ATP6V1B1: variants seen among roughly 807,000 people sequenced by gnomAD.
ATP6V1B1 encodes the protein V-type proton ATPase subunit B, kidney isoform.
Under a neutral mutation model 62.1 loss-of-function variants are expected in ATP6V1B1, and 41 were observed. The ratio of observed to expected loss-of-function variants is 0.66; its 90% CI spans 0.51 to 0.86. The LOEUF (loss-of-function observed/expected upper bound fraction) is 0.86, where lower values mean the gene tolerates loss of function less well. ATP6V1B1 is among the 40% of genes least tolerant of loss of function. The probability of loss-of-function intolerance (pLI) is 0.00; values close to 1 mark genes in which losing one functional copy is unlikely to be tolerated. For missense variants in ATP6V1B1, 651 were observed against 697.5 expected, an observed-to-expected ratio of 0.93 and a Z score of 0.75; for synonymous variants, 253 against 273.4, an observed-to-expected ratio of 0.93 and a Z score of 0.74.
At position 70,961,577 on chromosome 2, in the gene ATP6V1B1, C is replaced by A. The variant is rs1553420106; in HGVS notation, c.688-19C>A. ...AGGCCACAGGGCCCTACCTCCAGCC[C>A]ACCCTGCTGTGTATCCAGGTGAACA... is the stretch of plus-strand genomic sequence containing the variant. On this transcript the variant is annotated intron_variant, in intron 7 of 13. Coordinates refer to ENST00000234396, the MANE Select transcript of ATP6V1B1 (RefSeq NM_001692.4). The A allele has an allele frequency of 6.2e-7, 1 of 1,613,634 alleles. No homozygotes were observed. Among genetic ancestry groups the A allele is most frequent in the Non-Finnish European group, 8.5e-7 (1 of 1,179,492 alleles).
intron 1 of ATP6V1B1, among the ~76,000 whole-genome samples, chr2:70,936,831 G>A (rs1180182704): frequency 2.6e-5 from 4 of 152,174 alleles, no homozygotes; most frequent in African/African-American, 9.7e-5. Context: ...TGCGTATCCA[G>A]GTGTGGGGCA....
intron 8 of ATP6V1B1, among the ~76,000 whole-genome samples, 155 bp from the exon 9 acceptor site, chr2:70,962,622 C>G (rs1406177750): frequency 6.6e-6 from 1 of 152,170 alleles, no homozygotes; most frequent in Admixed American, 6.5e-5. Flanking sequence ...AACCATGGCC[C>G]TGGCCTAGGG....
chr2:70,943,278 C>T (rs1008902115), intron 1 of ATP6V1B1: 2 of 427,830 alleles, frequency 4.7e-6, no homozygotes, highest in Admixed American at 3.5e-5. Context: ...ACTTTTCGGC[C>T]ACAGCCGGGG....
chr2:70,946,699 A>G (rs1553417403), intron 2 of ATP6V1B1, among the ~76,000 whole-genome samples: 1 of 152,248 alleles, frequency 6.6e-6, no homozygotes, highest in African/African-American at 2.4e-5. Context: ...AGAAATGCTA[A>G]TAAGCCTGAT....
At chr2:70,949,298 G>T (rs1362256376) in intron 2 of ATP6V1B1, among the ~76,000 whole-genome samples, 1 of 152,176 alleles carries the variant, frequency 6.6e-6, no homozygotes, top group African/African-American at 2.4e-5. Context: ...GCAGGCGATA[G>T]TATGGATGTA....
intron 2 of ATP6V1B1, among the ~76,000 whole-genome samples, chr2:70,954,287 A>G (rs1246105936): frequency 6.6e-6 from 1 of 152,204 alleles, no homozygotes; most frequent in Non-Finnish European, 1.5e-5. Context: ...ACAGCTTTTC[A>G]CTATTATGGG....
At position 70,936,045 on chromosome 2, in the gene ATP6V1B1, C is replaced by A. The variant is rs121964879; in HGVS notation, c.91C>A (p.Arg31=). The change falls in exon 1 of 14, where the codon CGA becomes AGA. Residue 31 remains arginine (R), a synonymous_variant. Coordinates refer to ENST00000234396, the MANE Select transcript of ATP6V1B1 (RefSeq NM_001692.4). ...AAREHMQAVT[R]NYITHPRVTY... The stretch of plus-strand genomic sequence containing the variant: ...CCGAGAACACATGCAGGCGGTCACC[C>A]GAAACTACATCACCCACCCCCGTGT... 3 of 1,614,028 alleles carry A rather than the reference C, an allele frequency of 1.9e-6. No homozygotes were observed. Among genetic ancestry groups the A allele is most frequent in the Non-Finnish European group, 2.5e-6 (3 of 1,179,960 alleles).
intron 6 of ATP6V1B1, among the ~76,000 whole-genome samples, chr2:70,960,638 A>G (rs1266324015): frequency 6.6e-6 from 1 of 152,042 alleles, no homozygotes; most frequent in African/African-American, 2.4e-5. Context: ...CAGGCTGTGG[A>G]GGGGTATGGA....
chr2:70,941,605 T>G, intron 1 of ATP6V1B1: 1 of 809,794 alleles, frequency 1.2e-6, no homozygotes, highest in East Asian at 1.2e-4. Context: ...ATTTGCTCTG[T>G]ATCCTTCTTT....
chr2:70,940,496 C>G, intron 1 of ATP6V1B1: 2 of 985,454 alleles, frequency 2.0e-6, no homozygotes, highest in Non-Finnish European at 2.4e-6. Context: ...CATCCCTTTG[C>G]TTGCACAATC....
At position 70,961,648 on chromosome 2, in the gene ATP6V1B1, C is replaced by A; in HGVS notation, c.740C>A (p.Thr247Asn). 1 of 1,614,206 alleles carries A rather than the reference C, an allele frequency of 6.2e-7. No homozygotes were observed. Among genetic ancestry groups the A allele is most frequent in the Non-Finnish European group, 8.5e-7 (1 of 1,180,020 alleles). The change falls in exon 8 of 14, where the codon ACC (threonine) becomes AAC (asparagine). Residue 247 changes from threonine to asparagine, a missense_variant. By Grantham distance (65) the Thr-to-Asn change is moderately conservative (BLOSUM62 0). Coordinates refer to ENST00000234396, the MANE Select transcript of ATP6V1B1 (RefSeq NM_001692.4). ...FFKSDFEQNGTMGNVCLFLNL... is the reference protein window; with the variant it reads ...FFKSDFEQNGNMGNVCLFLNL... ...AAGTCTGACTTTGAGCAGAATGGAACCATGGGGAACGTCTGCCTCTTCCTG... is the reference window on the plus strand; with the variant it reads ...AAGTCTGACTTTGAGCAGAATGGAAACATGGGGAACGTCTGCCTCTTCCTG...
At chr2:70,962,696 T>G in intron 8 of ATP6V1B1, 81 bp from the exon 9 acceptor site, 2 of 1,595,598 alleles carry the variant, frequency 1.3e-6, no homozygotes, top group Admixed American at 1.7e-5. Flanking sequence ...GCTTCCCAGT[T>G]CACCTTGCGC....
chr2:70,960,573 G>A (rs1680561599), intron 6 of ATP6V1B1, among the ~76,000 whole-genome samples: 1 of 152,104 alleles, frequency 6.6e-6, no homozygotes, highest in Admixed American at 6.5e-5. Context: ...ATGGTGTCTT[G>A]GAGGCCCACA....
chr2:70,962,607 C>G (rs910319838), intron 8 of ATP6V1B1, among the ~76,000 whole-genome samples, 170 bp from the exon 9 acceptor site: 5 of 152,210 alleles, frequency 3.3e-5, no homozygotes, highest in Non-Finnish European at 7.3e-5. Flanking sequence ...CTGCCTACTC[C>G]CAGGAACCAT....
chr2:70,964,676 G>A, intron 12 of ATP6V1B1, 60 bp from the exon 13 acceptor site: 1 of 1,612,616 alleles, frequency 6.2e-7, no homozygotes, highest in Non-Finnish European at 8.5e-7. Flanking sequence ...GCCAGGTTGG[G>A]GGCTACTGGA....
At position 70,959,989 on chromosome 2, in the gene ATP6V1B1, AC is replaced by A. The variant is rs782152033; in HGVS notation, c.497del (p.Thr166ArgfsTer9). 9 of 1,614,040 alleles carry A rather than the reference AC, an allele frequency of 5.6e-6. No homozygotes were observed. Among genetic ancestry groups the A allele is most frequent in the Non-Finnish European group, 7.6e-6 (9 of 1,180,024 alleles). On this transcript the variant is annotated frameshift_variant, in exon 6 of 14. Coordinates refer to ENST00000234396, the MANE Select transcript of ATP6V1B1 (RefSeq NM_001692.4). LOFTEE classifies it high-confidence loss of function. This position sits in a 1 kb window ranked among gnomAD's most constrained non-coding sequence, Gnocchi z 4.2. The stretch of plus-strand genomic sequence containing the variant: ...CATCTACCCCGAGGAGATGATTCAG[AC>A]GGGCATTTCTCCTATTGACGTCATG... Reference protein sequence around the residue: ...SRIYPEEMIQTGISPIDVMNS... With the variant: ...SRIYPEEMIQXGISPIDVMNS...
chr2:70,941,348 A>T (rs1680001204), intron 1 of ATP6V1B1: 1 of 985,480 alleles, frequency 1.0e-6, no homozygotes, highest in African/African-American at 1.7e-5. Context: ...GAGCCTGTGC[A>T]TGCCAGCCCA....
intron 2 of ATP6V1B1, among the ~76,000 whole-genome samples, chr2:70,957,453 T>A (rs1039838770): frequency 6.6e-6 from 1 of 152,112 alleles, no homozygotes; most frequent in Non-Finnish European, 1.5e-5. Context: ...CCTTGATCCC[T>A]GGAAGGACTG....
intron 1 of ATP6V1B1, chr2:70,941,980 C>T (rs1553416476): frequency 1.6e-5 from 16 of 1,021,390 alleles, no homozygotes; most frequent in Non-Finnish European, 1.8e-5. Flanking sequence ...CAGTGGGGGG[C>T]CATGCTTGTG....
Sources: allele counts gnomAD v4.1 joint callset (sites outside exome capture counted in the v4.1 genomes callset), GRCh38; gene constraint gnomAD v4.1.1; non-coding constraint Gnocchi (gnomAD v3.1); transcripts MANE v1.5; gene names NCBI Gene and HGNC (gene_info 2026-07-23, HGNC 2026-07-21).